ARHGEF28: variants seen among roughly 807,000 people sequenced by gnomAD.
ARHGEF28 encodes Rho guanine nucleotide exchange factor 28, also known as 190 kDa guanine nucleotide exchange factor.
In ARHGEF28, 152 loss-of-function variants were observed where a neutral mutation model predicts 206.6. The observed-to-expected ratio is 0.74, with a 90% CI of 0.64 to 0.84. The LOEUF is 0.84. ARHGEF28 is among the 40% of genes least tolerant of loss of function. The pLI, the probability that ARHGEF28 is intolerant of heterozygous loss-of-function variation, is 0.00. For synonymous variants in ARHGEF28, 763 were observed against 776.4 expected, an observed-to-expected ratio of 0.98 and a Z score of 0.29; for missense variants, 2,028 against 2,073.2, an observed-to-expected ratio of 0.98 and a Z score of 0.42.
intron 22 of ARHGEF28, among the ~76,000 whole-genome samples, chr5:73,874,492 A>T (rs4704099): frequency 0.59 from 87,567 of 147,850 alleles, 26,695 homozygotes; most frequent in African/African-American, 0.7. Context: ...ACATGTGCCA[A>T]GCTGGTGTGC....
chr5:73,927,216 A>T (rs1763867524), intron 35 of ARHGEF28, among the ~76,000 whole-genome samples: 1 of 152,054 alleles, frequency 6.6e-6, no homozygotes, highest in Non-Finnish European at 1.5e-5. Context: ...ATAAAAATAA[A>T]AAATAAAAAA....
At chr5:73,687,975 G>T (rs115818089) in intron 2 of ARHGEF28, among the ~76,000 whole-genome samples, 1,560 of 152,072 alleles carry the variant, frequency 0.01, 20 homozygotes, top group African/African-American at 0.035. Flanking sequence ...CTTTATGTAT[G>T]TACTTCAAGT....
chr5:73,634,479 A>G (rs1256817016), intron 1 of ARHGEF28, among the ~76,000 whole-genome samples: 2 of 152,234 alleles, frequency 1.3e-5, no homozygotes, highest in African/African-American at 4.8e-5. Flanking sequence ...AGGTCCTCAT[A>G]CACCACACTT....
intron 9 of ARHGEF28, among the ~76,000 whole-genome samples, chr5:73,803,055 T>C (rs1364101232): frequency 6.6e-6 from 1 of 152,188 alleles, no homozygotes; most frequent in Non-Finnish European, 1.5e-5. Context: ...TTACTTTACC[T>C]TTTAGAGTGG....
chr5:73,654,803 T>C (rs989229530), intron 1 of ARHGEF28, among the ~76,000 whole-genome samples: 7 of 152,196 alleles, frequency 4.6e-5, no homozygotes, highest in African/African-American at 1.7e-4. Flanking sequence ...GTGTGTCTGA[T>C]CATTTTCTAG....
chr5:73,686,693 T>A (rs903037094), intron 2 of ARHGEF28, among the ~76,000 whole-genome samples: 1 of 151,808 alleles, frequency 6.6e-6, no homozygotes, highest in African/African-American at 2.4e-5. Flanking sequence ...AATTTTTTTT[T>A]GTATGTTTTT....
intron 2 of ARHGEF28, among the ~76,000 whole-genome samples, chr5:73,717,116 T>A (rs955479505): frequency 1.3e-5 from 2 of 152,110 alleles, no homozygotes; most frequent in African/African-American, 4.8e-5. Context: ...AACAAATCCT[T>A]AGGTAGCTCA....
At chr5:73,703,857 G>A (rs1230724171) in intron 2 of ARHGEF28, among the ~76,000 whole-genome samples, 1 of 151,912 alleles carries the variant, frequency 6.6e-6, no homozygotes, top group Non-Finnish European at 1.5e-5. Context: ...ACAATATGGT[G>A]AAACCCCGTC....
intron 1 of ARHGEF28, among the ~76,000 whole-genome samples, chr5:73,650,751 C>T (rs866670937): frequency 6.6e-6 from 1 of 151,172 alleles, no homozygotes; most frequent in African/African-American, 2.4e-5. Context: ...CGGGTTCAAG[C>T]GATCCTCCCA....
chr5:73,921,474 A>G (rs1561197058), intron 35 of ARHGEF28, among the ~76,000 whole-genome samples: 1 of 151,630 alleles, frequency 6.6e-6, no homozygotes. Flanking sequence ...CTTTCTGGAT[A>G]AGATATTAAT....
chr5:73,791,918 A>G (rs1275315132), intron 7 of ARHGEF28, among the ~76,000 whole-genome samples: 1 of 152,192 alleles, frequency 6.6e-6, no homozygotes, highest in Non-Finnish European at 1.5e-5. Flanking sequence ...TTATCTGCTA[A>G]AGGTTGCTAT....
chr5:73,767,466 G>A (rs1323310170), intron 4 of ARHGEF28, among the ~76,000 whole-genome samples: 2 of 152,114 alleles, frequency 1.3e-5, no homozygotes, highest in Admixed American at 1.3e-4. Flanking sequence ...AGTCTCTGAT[G>A]GAAATGAGGA....
intron 5 of ARHGEF28, among the ~76,000 whole-genome samples, chr5:73,774,905 G>C (rs553633990): frequency 6.6e-6 from 1 of 152,176 alleles, no homozygotes; most frequent in Non-Finnish European, 1.5e-5. Flanking sequence ...TTATTATGTG[G>C]CATGTTCAAA....
rs386404110 is a variant in ARHGEF28 at position 73,932,800 on chromosome 5, C to CTTTTTTTT, written c.4949-8025_4949-8018dup. Reference sequence around the variant, plus strand: ...GTTATACTACTTTTATTTCCTATTTCTTTTTTTTTTTTTTTTTTTTTTTTT... The same window carrying CTTTTTTTT: ...GTTATACTACTTTTATTTCCTATTTCTTTTTTTTTTTTTTTTTTTTTTTTTTTTTTTTT... On this transcript the variant is annotated intron_variant, in intron 35 of 35. Coordinates refer to ENST00000513042, the MANE Select transcript of ARHGEF28 (RefSeq NM_001177693.2). 1.9e-3 allele frequency among the ~76,000 whole-genome samples: 139 copies of CTTTTTTTT among 73,442 alleles called. 15 individuals are homozygous for CTTTTTTTT. Among genetic ancestry groups the CTTTTTTTT allele is most frequent in the South Asian group, 2.3e-3 (4 of 1,712 alleles). The allele number at this position is 73,442 out of a possible 152,430, so 48.2% of individuals were successfully genotyped here.
chr5:73,737,540 TTG>T (rs1751069892), intron 2 of ARHGEF28, among the ~76,000 whole-genome samples: 5 of 150,084 alleles, frequency 3.3e-5, no homozygotes, highest in Admixed American at 1.4e-4. Context: ...TGATGGAGTT[TTG>T]CTCTTGTTGC....
At chr5:73,799,298 C>T (rs547518027) in intron 9 of ARHGEF28, among the ~76,000 whole-genome samples, 109 of 152,238 alleles carry the variant, frequency 7.2e-4, no homozygotes, top group Admixed American at 1.6e-3. Flanking sequence ...CAATTGCAAA[C>T]AAAGATGCAT....
At chr5:73,711,848 TGAGAAAG>T (rs1047811948) in intron 2 of ARHGEF28, among the ~76,000 whole-genome samples, 34 of 152,090 alleles carry the variant, frequency 2.2e-4, no homozygotes, top group Admixed American at 1.7e-3. Flanking sequence ...TAGAAGTTAG[TGAGAAAG>T]GACATACTTT....
chr5:73,686,139 C>G (rs1301211979), intron 2 of ARHGEF28, among the ~76,000 whole-genome samples: 1 of 152,074 alleles, frequency 6.6e-6, no homozygotes, highest in East Asian at 1.9e-4. Context: ...AGTACTCTCT[C>G]TAGGTTGTGA....
chr5:73,766,202 C>A (rs115750196), intron 4 of ARHGEF28, among the ~76,000 whole-genome samples: 3 of 151,370 alleles, frequency 2.0e-5, no homozygotes, highest in Non-Finnish European at 4.4e-5. Flanking sequence ...AAAACAAAAA[C>A]GTATTGTGTT....
Sources: gnomAD v4.1 joint callset for allele counts (sites outside exome capture counted in the v4.1 genomes callset) on GRCh38, gnomAD v4.1.1 for gene constraint, MANE v1.5 for transcripts, NCBI Gene and HGNC (gene_info 2026-07-23, HGNC 2026-07-21) for gene names.